Variants in REV1 observed in about 807,000 individuals in gnomAD.
REV1 encodes the protein REV1 DNA directed polymerase, also known as translesion synthesis protein REV1.
Under a neutral mutation model 137.4 loss-of-function variants are expected in REV1, and 42 were observed. The ratio of observed to expected loss-of-function variants is 0.31; its 90% CI spans 0.24 to 0.40. The LOEUF (loss-of-function observed/expected upper bound fraction) is 0.40. Among genes scored for constraint, REV1 ranks in the 10% least tolerant of loss-of-function variants. The probability of loss-of-function intolerance (pLI) is 1.00; values close to 1 mark genes in which losing one functional copy is unlikely to be tolerated. For missense variants in REV1, 1,282 were observed against 1,490.1 expected (o/e 0.86, Z 2.30); for synonymous variants, 524 against 519.2 (o/e 1.01, Z -0.12).
At chr2:99,483,050 G>C (rs906422410) in intron 1 of REV1, among the ~76,000 whole-genome samples, 4 of 150,538 alleles carry the variant, frequency 2.7e-5, no homozygotes, top group South Asian at 4.2e-4. Context: ...TTTTTGTTAC[G>C]GTCTTTAAGA....
chr2:99,439,320 G>A lies in REV1; in HGVS notation c.504-10C>T, dbSNP rs750923647. On this transcript the variant is annotated splice_polypyrimidine_tract_variant and intron_variant, in intron 5 of 22. Coordinates refer to ENST00000258428, the MANE Select transcript of REV1 (RefSeq NM_016316.4). ...CTTAACGATGTGATTTCTAAAGCAGGAAAAAATTTTTGAGTTAATAATATC... is the reference window on the plus strand; with the variant it reads ...CTTAACGATGTGATTTCTAAAGCAGAAAAAAATTTTTGAGTTAATAATATC... 1 of 1,579,692 alleles carries A rather than the reference G, an allele frequency of 6.3e-7. No individual in the cohort carries two copies. Among genetic ancestry groups the A allele is most frequent in the Non-Finnish European group, 8.6e-7 (1 of 1,162,420 alleles).
In REV1 at chr2:99,451,677, A is replaced by G. The variant is rs1575145218; in HGVS notation, c.182-2173T>C. Among the ~76,000 whole-genome samples, 3 of 152,288 alleles carry G rather than the reference A, an allele frequency of 2.0e-5. No homozygotes were observed. The East Asian group carries it at 5.8e-4, about 29-fold the overall frequency. Reference sequence around the variant, plus strand: ...GAAATTAGTCTGGCATGTAGAGGTCACTCAATATGAAAACTGCTATTATTA... The same window carrying G: ...GAAATTAGTCTGGCATGTAGAGGTCGCTCAATATGAAAACTGCTATTATTA... On this transcript the variant is annotated intron_variant, in intron 3 of 22. Transcript: ENST00000258428.
At chr2:99,486,218 TC>T (rs1355494380) in intron 1 of REV1, among the ~76,000 whole-genome samples, 2 of 152,234 alleles carry the variant, frequency 1.3e-5, no homozygotes, top group African/African-American at 4.8e-5. Flanking sequence ...TTCAAATAGT[TC>T]CTAGAAGGTT....
rs1381967613 is a variant in REV1, at chr2:99,406,497, C to G, written c.2449-7G>C. The G allele has an allele frequency of 1.9e-6, 3 of 1,586,580 alleles. No individual in the cohort carries two copies. Among genetic ancestry groups the G allele is most frequent in the Non-Finnish European group, 1.7e-6 (2 of 1,165,356 alleles). On this transcript the variant is annotated splice_polypyrimidine_tract_variant and splice_region_variant and intron_variant, in intron 15 of 22. Transcript: ENST00000258428. ...GATTCACGTGAATCCCAACCTAGAA[C>G]CCAGAATAAAGAGTATGCTTCTAGG...
Position 99,438,611 on chromosome 2 carries a change from TACA to T in REV1, c.1200_1202del (p.Val401del), listed in dbSNP as rs777315177. Reference sequence around the variant, plus strand: ...TTAATAAGTATCTACCTGTGTCAGTTACAACAAGTGCAGACCTGCCTGTTTTCA... The same window carrying T: ...TTAATAAGTATCTACCTGTGTCAGTTACAAGTGCAGACCTGCCTGTTTTCA... On this transcript the variant is annotated inframe_deletion, in exon 6 of 23. Coordinates refer to ENST00000258428, the MANE Select transcript of REV1 (RefSeq NM_016316.4). 18 of 1,611,464 alleles carry T rather than the reference TACA, an allele frequency of 1.1e-5. No homozygotes were observed. The highest frequency in any genetic ancestry group is 2.2e-5 in the East Asian group (1 of 44,886).
At chr2:99,486,894 T>C (rs1687196734) in intron 1 of REV1, among the ~76,000 whole-genome samples, 1 of 145,278 alleles carries the variant, frequency 6.9e-6, no homozygotes, top group Non-Finnish European at 1.5e-5. Flanking sequence ...CAAACAAGTC[T>C]AAGGGGGGAA....
At chr2:99,412,627 G>A (rs1677335119) in intron 13 of REV1, 104 bp downstream of exon 13, 2 of 869,700 alleles carry the variant, frequency 2.3e-6, no homozygotes, top group Admixed American at 2.1e-5. Flanking sequence ...ACAGTTTTAA[G>A]ACTTAATTTC....
chr2:99,409,429 A>G (rs1478426138), intron 14 of REV1, among the ~76,000 whole-genome samples: 3 of 152,222 alleles, frequency 2.0e-5, no homozygotes, highest in African/African-American at 7.2e-5. Flanking sequence ...AAGTCTCAAA[A>G]TTTTGGTTTC....
At chr2:99,481,129 C>G (rs1033723103) in intron 1 of REV1, among the ~76,000 whole-genome samples, 4 of 152,142 alleles carry the variant, frequency 2.6e-5, no homozygotes, top group Non-Finnish European at 5.9e-5. Flanking sequence ...ATTTTACAAC[C>G]CTAACACAAA....
chr2:99,483,783 CA>C (rs1027269359), intron 1 of REV1, among the ~76,000 whole-genome samples: 5 of 151,990 alleles, frequency 3.3e-5, no homozygotes, highest in African/African-American at 1.2e-4. Context: ...TTTGGTGTAG[CA>C]GGGGGAAAAA....
At chr2:99,428,148 C>A (rs1401995257) in intron 9 of REV1, among the ~76,000 whole-genome samples, 1 of 152,124 alleles carries the variant, frequency 6.6e-6, no homozygotes, top group Non-Finnish European at 1.5e-5. Flanking sequence ...GCAGCCTTAG[C>A]AAGGGTAAAC....
At chr2:99,477,358 C>A (rs1686096680) in intron 1 of REV1, among the ~76,000 whole-genome samples, 1 of 152,168 alleles carries the variant, frequency 6.6e-6, no homozygotes. Flanking sequence ...GGTAACCCAG[C>A]TTCAACCATG....
intron 2 of REV1, 52 bp from the exon 3 acceptor site, chr2:99,462,674 C>CA: frequency 1.3e-6 from 2 of 1,563,254 alleles, no homozygotes. Flanking sequence ...TTTCTCCCCC[C>CA]TTTTTTGAAA....
rs995228206 is a variant in REV1, at chr2:99,424,444, C to T, written c.1548-164G>A. The T allele has an allele frequency of 6.5e-5, 48 of 737,436 alleles. 1 individual carries two copies. The highest frequency in any genetic ancestry group is 1.2e-4 in the Admixed American group (4 of 32,460). The allele number at this position is 737,436 out of a possible 1,614,324, so 45.7% of individuals were successfully genotyped here. A position where few individuals can be genotyped will look rare whatever the true frequency, so the allele number is the denominator to read the frequency against. Reference sequence around the variant, plus strand: ...GCATTAAAATTTACAGCCTTGTTTTCCCCCAAAAGTCACAACTGTCTGAAT... The same window carrying T: ...GCATTAAAATTTACAGCCTTGTTTTTCCCCAAAAGTCACAACTGTCTGAAT... On this transcript the variant is annotated intron_variant, in intron 9 of 22. Transcript: ENST00000258428.
At position 99,438,989 on chromosome 2, in the gene REV1, AG is replaced by A; in HGVS notation, c.824del (p.Thr275IlefsTer94). On this transcript the variant is annotated frameshift_variant, in exon 6 of 23. Transcript: ENST00000258428. LOFTEE classifies it high-confidence loss of function. ...TGGTGCTTTGCTGCAACTGCTGCAG[AG>A]TGCAGTCTCTGAAATCAGTGCTGCT... ...EKSSTDFRDC[T>X]LQQLQQSTRN... 6.2e-7 allele frequency: 1 copy of A among 1,614,188 alleles called. No homozygotes were observed. Among genetic ancestry groups the A allele is most frequent in the Non-Finnish European group, 8.5e-7 (1 of 1,180,038 alleles).
At position 99,442,274 on chromosome 2, in the gene REV1, A is replaced by C. The variant is rs924832953; in HGVS notation, c.503+43T>G. ...TCTCAAAAAAAAAAAAAAAAAAAAA[A>C]AACCAACCAGCTTTGCAGTAATCCC... On this transcript the variant is annotated intron_variant, in intron 5 of 22. Coordinates refer to ENST00000258428, the MANE Select transcript of REV1 (RefSeq NM_016316.4). The C allele has an allele frequency of 4.7e-6, 7 of 1,498,196 alleles. No homozygotes were observed. In the East Asian group the frequency reaches 9.3e-5, roughly 20 times the overall value. The allele number at this position is 1,498,196 out of a possible 1,614,324, so 92.8% of individuals were successfully genotyped here. A position where few individuals can be genotyped will look rare whatever the true frequency, so the allele number is the denominator to read the frequency against.
At chr2:99,470,243 G>C (rs1353051538) in intron 1 of REV1, among the ~76,000 whole-genome samples, 1 of 152,058 alleles carries the variant, frequency 6.6e-6, no homozygotes, top group Non-Finnish European at 1.5e-5. Flanking sequence ...CAAATGTTCA[G>C]TGTTAATCTG....
rs1481139014 is a variant in REV1 at position 99,421,644 on chromosome 2, A to G, written c.1686T>C (p.His562=). 1.9e-6 allele frequency: 3 copies of G among 1,613,826 alleles called. No individual in the cohort carries two copies. The highest frequency in any genetic ancestry group is 2.2e-5 in the East Asian group (1 of 44,884). The change falls in exon 11 of 23, where the codon CAT becomes CAC. Residue 562 remains histidine (H), a synonymous_variant. Transcript: ENST00000258428. ...TLYETLASYT[H]NIEAVSCDEA... is the part of the protein sequence containing the mutation. Reference sequence around the variant, plus strand: ...CATCACAACTGACAGCTTCAATGTTATGAGTGTAGCTATCAACACAGAGCA... The same window carrying G: ...CATCACAACTGACAGCTTCAATGTTGTGAGTGTAGCTATCAACACAGAGCA...
At chr2:99,487,011 A>G (rs1687213653) in intron 1 of REV1, among the ~76,000 whole-genome samples, 1 of 152,238 alleles carries the variant, frequency 6.6e-6, no homozygotes, top group Non-Finnish European at 1.5e-5. Context: ...GCTGGTTCCT[A>G]TTTTAGAATT....
Sources: gnomAD v4.1 joint callset for allele counts (sites outside exome capture counted in the v4.1 genomes callset) on GRCh38, gnomAD v4.1.1 for gene constraint, MANE v1.5 for transcripts, NCBI Gene and HGNC (gene_info 2026-07-23, HGNC 2026-07-21) for gene names.